The following TENM3 variants were observed in gnomAD, a reference collection of about 807,000 sequenced individuals.
The protein encoded by TENM3 is teneurin transmembrane protein 3.
A neutral mutation model predicts 255.1 loss-of-function variants in TENM3; 63 were observed. That is an observed-to-expected ratio of 0.25 (90% CI 0.20 to 0.30). The LOEUF is 0.30. Among genes scored for constraint, TENM3 ranks in the 10% least tolerant of loss-of-function variants. TENM3 has a pLI of 1.00. For missense variants in TENM3, 2,929 were observed against 3,461.1 expected (o/e 0.85, Z 3.86); for synonymous variants, 1,306 against 1,322.3 (o/e 0.99, Z 0.27).
At chr4:182,072,635 C>T in the TENM3 span, among the ~76,000 whole-genome samples, 1 of 152,158 alleles carries the variant, frequency 6.6e-6, no homozygotes, top group Non-Finnish European at 1.5e-5. Flanking sequence ...TTATCAACTG[C>T]TGCTTAATCT....
In TENM3 at chr4:182,362,023, A is replaced by T. The variant is rs1766033141; in HGVS notation, c.511+15094A>T. Among the ~76,000 whole-genome samples the T allele has an allele frequency of 2.6e-5, 4 of 152,334 alleles. No individual in the cohort carries two copies. In the South Asian group the frequency reaches 8.3e-4, roughly 32 times the overall value. On this transcript the variant is annotated intron_variant, in intron 3 of 27. Transcript: ENST00000511685. ...CCTGGGTATCAGCAGCGGTGTCTGC[A>T]GAACAGTGGTTTTTCGTGAACCGCG...
chr4:181,967,629 C>T, the TENM3 span, among the ~76,000 whole-genome samples: 1 of 152,138 alleles, frequency 6.6e-6, no homozygotes, highest in Admixed American at 6.5e-5. Context: ...TGGCTCGGCC[C>T]TTGCTACGGG....
chr4:182,133,556 G>A, the TENM3 span, among the ~76,000 whole-genome samples: 1 of 152,034 alleles, frequency 6.6e-6, no homozygotes, highest in Admixed American at 6.5e-5. Context: ...TATTAAACAA[G>A]ATAGCCAGCA....
At chr4:181,786,329 A>G in the TENM3 span, among the ~76,000 whole-genome samples, 1 of 152,208 alleles carries the variant, frequency 6.6e-6, no homozygotes, top group Non-Finnish European at 1.5e-5. Context: ...CATAGGAGAT[A>G]AGACACACAA....
chr4:181,658,824 G>T, the TENM3 span, among the ~76,000 whole-genome samples: 1 of 152,192 alleles, frequency 6.6e-6, no homozygotes, highest in Non-Finnish European at 1.5e-5. Flanking sequence ...TTAGCTTAAA[G>T]AAACTGTCTG....
At chr4:181,512,289 G>A in the TENM3 span, among the ~76,000 whole-genome samples, 1 of 151,832 alleles carries the variant, frequency 6.6e-6, no homozygotes, top group Non-Finnish European at 1.5e-5. Flanking sequence ...TTCTAGAACA[G>A]TCTACCACGT....
chr4:181,739,645 G>T, the TENM3 span, among the ~76,000 whole-genome samples: 32 of 152,108 alleles, frequency 2.1e-4, no homozygotes, highest in Non-Finnish European at 3.7e-4. Context: ...CATCAGAGAA[G>T]CTAGGTGAGT....
chr4:182,215,652 T>G (rs918515100), intron 1 of TENM3, among the ~76,000 whole-genome samples: 2 of 152,200 alleles, frequency 1.3e-5, no homozygotes, highest in Admixed American at 1.3e-4. Flanking sequence ...ATGGATTCTA[T>G]AAGGCCTAAG....
chr4:181,829,818 C>G, the TENM3 span: 2 of 152,436 alleles, frequency 1.3e-5, no homozygotes, highest in East Asian at 3.9e-4. Context: ...GCACCAGCCC[C>G]TGAGTTTCCC....
At chr4:182,784,532 G>T (rs1357103045) in intron 24 of TENM3, among the ~76,000 whole-genome samples, 1 of 151,810 alleles carries the variant, frequency 6.6e-6, no homozygotes, top group African/African-American at 2.4e-5. Flanking sequence ...GCCCCCAGAG[G>T]TGGAGCCTAC....
intron 3 of TENM3, among the ~76,000 whole-genome samples, chr4:182,384,196 A>G (rs1461223251): frequency 6.6e-6 from 1 of 152,226 alleles, no homozygotes. Context: ...GAAAAAACAT[A>G]TACTACTCAC....
chr4:182,198,484 A>C (rs1253466103), intron 1 of TENM3, among the ~76,000 whole-genome samples: 1 of 152,252 alleles, frequency 6.6e-6, no homozygotes, highest in Non-Finnish European at 1.5e-5. Flanking sequence ...TTTGGGATTC[A>C]GCCAACCCTT....
intron 3 of TENM3, among the ~76,000 whole-genome samples, chr4:182,396,939 G>A (rs1255439720): frequency 2.0e-5 from 3 of 151,688 alleles, no homozygotes; most frequent in Admixed American, 1.3e-4. Context: ...TCCAACCTAG[G>A]TGACAGAGCG....
chr4:182,253,022 A>T (rs1758127989), intron 1 of TENM3, among the ~76,000 whole-genome samples: 1 of 152,080 alleles, frequency 6.6e-6, no homozygotes, highest in Non-Finnish European at 1.5e-5. Flanking sequence ...ACACGAAACT[A>T]CCTCTGAAAG....
intron 3 of TENM3, among the ~76,000 whole-genome samples, chr4:182,500,091 G>A (rs1228959091): frequency 6.6e-6 from 1 of 152,154 alleles, no homozygotes; most frequent in Non-Finnish European, 1.5e-5. Context: ...AAGTTGTTCT[G>A]CTGTGTGTCT....
chr4:181,709,675 C>G, the TENM3 span, among the ~76,000 whole-genome samples: 2 of 152,228 alleles, frequency 1.3e-5, no homozygotes, highest in Admixed American at 1.3e-4. Context: ...GGGACAGGGT[C>G]TGGCTGCTGC....
Position 182,799,716 on chromosome 4 carries a change from T to C in TENM3, c.7465T>C (p.Phe2489Leu). ...CGGCGGCGCGCAGTCCTGGCTGTGGTTCGCCACGGTCAAGTCGCTGATCGG... is the reference window on the plus strand; with the variant it reads ...CGGCGGCGCGCAGTCCTGGCTGTGGCTCGCCACGGTCAAGTCGCTGATCGG... Reference protein sequence around the residue: ...RAGGAQSWLWFATVKSLIGKG... With the variant: ...RAGGAQSWLWLATVKSLIGKG... Residue 2489 changes from phenylalanine (F) to leucine (L), a missense_variant, in exon 28 of 28, where the codon TTC becomes CTC. Phe to Leu is a conservative substitution (Grantham distance 22). Around this residue, in one of 6 missense-constraint regions of TENM3, gnomAD observed 476 missense variants for 480.1 expected, o/e 0.99. Transcript: ENST00000511685. This position sits in a 1 kb window ranked among gnomAD's most constrained non-coding sequence, Gnocchi z 4.2. 1 of 1,551,794 alleles carries C rather than the reference T, an allele frequency of 6.4e-7. No individual in the cohort carries two copies. The highest frequency in any genetic ancestry group is 8.7e-7 in the Non-Finnish European group (1 of 1,147,968).
chr4:182,058,068 T>C, the TENM3 span, among the ~76,000 whole-genome samples: 4,435 of 151,042 alleles, frequency 0.029, 213 homozygotes, highest in African/African-American at 0.1. Flanking sequence ...GCTATGAGGC[T>C]TCAGGTTTTG....
chr4:182,073,921 T>C, the TENM3 span, among the ~76,000 whole-genome samples: 2 of 152,192 alleles, frequency 1.3e-5, no homozygotes, highest in Non-Finnish European at 2.9e-5. Context: ...GATCATCTAC[T>C]TTAACCCCTT....
Sources: allele counts gnomAD v4.1 joint callset (sites outside exome capture counted in the v4.1 genomes callset), GRCh38; gene constraint gnomAD v4.1.1; regional missense constraint gnomAD v4.1.1; non-coding constraint Gnocchi (gnomAD v3.1); transcripts MANE v1.5; gene names NCBI Gene and HGNC (gene_info 2026-07-23, HGNC 2026-07-21).